The following CELF2 variants were observed in gnomAD, a reference collection of about 807,000 sequenced individuals.
The protein encoded by CELF2 is CUG triplet repeat RNA-binding protein 2.
CELF2 carries 8 observed loss-of-function variants against 62.6 expected under a neutral mutation model. That is an observed-to-expected ratio of 0.13 (90% CI 0.07 to 0.23). CELF2 has a LOEUF of 0.23. Among genes scored for constraint, CELF2 ranks in the 10% least tolerant of loss-of-function variants. The pLI is 1.00. For missense variants in CELF2, 333 were observed against 671.0 expected (o/e 0.50, Z 5.56); for synonymous variants, 258 against 250.0 (o/e 1.03, Z -0.30).
In CELF2 at chr10:10,931,024, G is replaced by A. The variant is rs1342830771; in HGVS notation, c.89+11025G>A. ...TAAATATTGGCTTCCACTGATGTTT[G>A]GGATTGTCGAGCTACCAAGAACACA... On this transcript the variant is annotated intron_variant, in intron 2 of 13. Coordinates refer to the CELF2 transcript ENST00000636488. This position sits in a 1 kb window ranked among gnomAD's most constrained non-coding sequence, Gnocchi z 6.1. Among the ~76,000 whole-genome samples the A allele has an allele frequency of 6.6e-6, 1 of 152,102 alleles. No homozygotes were observed. The highest frequency in any genetic ancestry group is 2.1e-4 in the South Asian group (1 of 4,830).
chr10:10,532,027 AGAGT>A, the CELF2 span, among the ~76,000 whole-genome samples: 1 of 152,376 alleles, frequency 6.6e-6, no homozygotes, highest in South Asian at 2.1e-4. Flanking sequence ...AAGGTGGCTG[AGAGT>A]GAGGAAAGTA....
chr10:11,054,507 G>GTGTGTGTGTA (rs1554804127), intron 1 of CELF2, among the ~76,000 whole-genome samples: 5,402 of 151,222 alleles, frequency 0.036, 118 homozygotes, highest in African/African-American at 0.056. Context: ...GTGTGTGTGT[G>GTGTGTGTGTA]TGTGTGTGTG....
chr10:10,966,919 G>A (rs1202578649), intron 2 of CELF2, among the ~76,000 whole-genome samples: 2 of 152,224 alleles, frequency 1.3e-5, no homozygotes, highest in African/African-American at 2.4e-5. Context: ...AATAGTTTGG[G>A]ATGAACCAGA....
At chr10:10,699,775 T>G in the CELF2 span, among the ~76,000 whole-genome samples, 1 of 152,232 alleles carries the variant, frequency 6.6e-6, no homozygotes, top group African/African-American at 2.4e-5. Flanking sequence ...GATTTTGGTC[T>G]TTCAGAGCCA....
rs1214958779 is a variant in CELF2 at position 10,947,978 on chromosome 10, G to A, written c.89+27979G>A. Among the ~76,000 whole-genome samples, 3 of 152,180 alleles carry A rather than the reference G, an allele frequency of 2.0e-5. No individual in the cohort carries two copies. Among genetic ancestry groups the A allele is most frequent in the Non-Finnish European group, 4.4e-5 (3 of 68,014 alleles). ...ATGTACAGATCATGCAAGGGAATGA[G>A]AAAGCTGGATGTAGGTTTGGACACA... On this transcript the variant is annotated intron_variant, in intron 2 of 13. Transcript: ENST00000636488. The surrounding 1 kb of genome is among the most constrained non-coding windows in gnomAD (Gnocchi z 4.1).
the CELF2 span, among the ~76,000 whole-genome samples, chr10:10,565,758 A>G: frequency 6.6e-6 from 1 of 152,200 alleles, no homozygotes; most frequent in South Asian, 2.1e-4. Context: ...TCAGCCTGAG[A>G]GCCTATTTGT....
chr10:11,027,947 G>A (rs138478526), intron 1 of CELF2, among the ~76,000 whole-genome samples: 27 of 152,262 alleles, frequency 1.8e-4, no homozygotes, highest in Middle Eastern at 6.8e-3. Flanking sequence ...AAAACTGGCC[G>A]CAAGTTCCCC....
At chr10:11,065,892 G>A (rs1012647966) in intron 1 of CELF2, among the ~76,000 whole-genome samples, 8 of 152,152 alleles carry the variant, frequency 5.3e-5, no homozygotes, top group East Asian at 1.9e-4. Flanking sequence ...GGCTTTCTCC[G>A]GAAGGAGCAA....
intron 1 of CELF2, among the ~76,000 whole-genome samples, chr10:11,094,957 T>A (rs1202700022): frequency 7.2e-5 from 11 of 152,204 alleles, no homozygotes; most frequent in Admixed American, 3.9e-4. Context: ...TGGCAAATAA[T>A]GATGTGTGAA....
chr10:10,937,121 CTTTTTTTT>C (rs373143426), intron 2 of CELF2, among the ~76,000 whole-genome samples: 3 of 90,534 alleles, frequency 3.3e-5, no homozygotes, highest in Non-Finnish European at 6.0e-5. Context: ...TTTTTCTTTT[CTTTTTTTT>C]TTTTTTTTTT....
chr10:10,533,689 T>A, the CELF2 span, among the ~76,000 whole-genome samples: 1 of 152,158 alleles, frequency 6.6e-6, no homozygotes, highest in Non-Finnish European at 1.5e-5. Context: ...GAAGAAAGAA[T>A]CAGAGAAAAT....
the CELF2 span, among the ~76,000 whole-genome samples, chr10:10,732,939 GA>G: frequency 6.6e-6 from 1 of 152,284 alleles, no homozygotes; most frequent in African/African-American, 2.4e-5. Context: ...TCCCCAGGAA[GA>G]AAAAGAGGAT....
the CELF2 span, among the ~76,000 whole-genome samples, chr10:10,529,689 A>C: frequency 6.0e-5 from 2 of 33,302 alleles, no homozygotes; most frequent in Non-Finnish European, 1.3e-4. Context: ...ATCTCAAAAA[A>C]AAAAAAAAAA....
rs1193140114 is a variant in CELF2, at chr10:10,957,567, C to T, written c.89+37568C>T. ...TTCTTTCTCCCCATCCCTCCCCTCT[C>T]CCTAGATAGAGGGCAGAGAGGTCAA... On this transcript the variant is annotated intron_variant, in intron 2 of 13. Coordinates refer to the CELF2 transcript ENST00000636488. The surrounding 1 kb of genome is among the most constrained non-coding windows in gnomAD (Gnocchi z 4.1). Among the ~76,000 whole-genome samples, 1 of 152,162 alleles carries T rather than the reference C, an allele frequency of 6.6e-6. No individual in the cohort carries two copies. The highest frequency in any genetic ancestry group is 1.5e-5 in the Non-Finnish European group (1 of 68,014).
At chr10:11,062,200 C>T (rs2066938746) in intron 1 of CELF2, among the ~76,000 whole-genome samples, 1 of 152,182 alleles carries the variant, frequency 6.6e-6, no homozygotes, top group Non-Finnish European at 1.5e-5. Context: ...GGCAATGTAC[C>T]TTGTCATCCA....
intron 1 of CELF2, among the ~76,000 whole-genome samples, chr10:11,009,976 C>T (rs1456287391): frequency 6.6e-6 from 1 of 152,222 alleles, no homozygotes; most frequent in African/African-American, 2.4e-5. Context: ...GGTCTGTGAA[C>T]TGACTAGCCT....
chr10:10,683,468 A>G, the CELF2 span, among the ~76,000 whole-genome samples: 1 of 152,212 alleles, frequency 6.6e-6, no homozygotes, highest in African/African-American at 2.4e-5. Context: ...TAATCCAATT[A>G]CCAGCCCCAT....
intron 2 of CELF2, among the ~76,000 whole-genome samples, chr10:10,921,606 T>C (rs2064922256): frequency 1.3e-5 from 2 of 151,542 alleles, no homozygotes; most frequent in Admixed American, 1.3e-4. Flanking sequence ...AATTTACTCA[T>C]CTAAATGTGC....
chr10:10,783,988 A>C, the CELF2 span, among the ~76,000 whole-genome samples: 1 of 149,382 alleles, frequency 6.7e-6, no homozygotes, highest in African/African-American at 2.4e-5. Context: ...CTCCTTCCCA[A>C]AAAAAAAAAA....
Sources: allele counts gnomAD v4.1 joint callset (sites outside exome capture counted in the v4.1 genomes callset), GRCh38; gene constraint gnomAD v4.1.1; non-coding constraint Gnocchi (gnomAD v3.1); transcripts MANE v1.5; gene names NCBI Gene and HGNC (gene_info 2026-07-23, HGNC 2026-07-21).